Variants in PKIB observed in about 807,000 individuals in gnomAD.
PKIB encodes cAMP-dependent protein kinase inhibitor beta.
PKIB carries 2 observed loss-of-function variants against 4.5 expected under a neutral mutation model. The ratio of observed to expected loss-of-function variants is 0.44; its 90% CI spans 0.18 to 1.39. The LOEUF (loss-of-function observed/expected upper bound fraction) is 1.39. Ranked by LOEUF, PKIB falls within the 40% of genes most tolerant of loss-of-function variation. PKIB has a pLI of 0.27. For synonymous variants in PKIB, 38 were observed against 36.0 expected (o/e 1.06, Z -0.20); for missense variants, 94 against 92.6 (o/e 1.02, Z -0.06).
intron 2 of PKIB, among the ~76,000 whole-genome samples, chr6:122,521,276 C>G (rs921508335): frequency 6.6e-6 from 1 of 152,162 alleles, no homozygotes; most frequent in African/African-American, 2.4e-5. Flanking sequence ...GGAGCTTCTT[C>G]TTGGTCCAAC....
intron 2 of PKIB, among the ~76,000 whole-genome samples, chr6:122,488,081 G>C (rs1295508852): frequency 6.6e-6 from 1 of 152,062 alleles, no homozygotes; most frequent in Admixed American, 6.6e-5. Context: ...ATTCATTTCA[G>C]CATCCATCCA....
chr6:122,609,973 C>G (rs1253919619), upstream of PKIB, among the ~76,000 whole-genome samples: 2 of 152,086 alleles, frequency 1.3e-5, no homozygotes, highest in Non-Finnish European at 2.9e-5. Flanking sequence ...CAAAGGGCAA[C>G]CTTAATGACA....
chr6:122,550,270 G>A (rs1053412361), intron 2 of PKIB, among the ~76,000 whole-genome samples: 3 of 148,464 alleles, frequency 2.0e-5, no homozygotes, highest in African/African-American at 7.9e-5. Flanking sequence ...TAATATGAAA[G>A]TCTAGTCTAA....
chr6:122,509,045 G>A (rs759233328), intron 2 of PKIB, among the ~76,000 whole-genome samples: 36 of 152,098 alleles, frequency 2.4e-4, no homozygotes, highest in Middle Eastern at 3.4e-3. Flanking sequence ...CACCGCGCCC[G>A]GCCTAAAATT....
intron 1 of PKIB, among the ~76,000 whole-genome samples, chr6:122,620,354 T>C (rs527290028): frequency 6.6e-6 from 1 of 152,316 alleles, no homozygotes; most frequent in South Asian, 2.1e-4. Context: ...TTCCCAAATG[T>C]ATTCAGAAGA....
At chr6:122,615,841 A>G (rs1187081967) in intron 1 of PKIB, among the ~76,000 whole-genome samples, 1 of 152,192 alleles carries the variant, frequency 6.6e-6, no homozygotes. Flanking sequence ...AGAGGCATAA[A>G]ACAGATTTCC....
At position 122,554,424 on chromosome 6, in the gene PKIB, G is replaced by A. The variant is rs990291415; in HGVS notation, c.-247-31497G>A. 2.3e-4 allele frequency among the ~76,000 whole-genome samples: 35 copies of A among 152,174 alleles called. 1 individual carries two copies. The highest frequency in any genetic ancestry group is 4.6e-4 in the Non-Finnish European group (31 of 68,030). On this transcript the variant is annotated intron_variant, in intron 2 of 6. Coordinates refer to the PKIB transcript ENST00000392491. Reference sequence around the variant, plus strand: ...TGTTAAATAAATCCTAGGGCACAGAGATTGTCCATGCAATGCCTCTCTAAA... The same window carrying A: ...TGTTAAATAAATCCTAGGGCACAGAAATTGTCCATGCAATGCCTCTCTAAA...
At chr6:122,683,143 T>TGGC (rs1777966029) in intron 3 of PKIB, among the ~76,000 whole-genome samples, 1 of 152,214 alleles carries the variant, frequency 6.6e-6, no homozygotes, top group Admixed American at 6.5e-5. Flanking sequence ...TTGGCAGTTA[T>TGGC]GGAATTCAGA....
chr6:122,665,466 T>G, intron 2 of PKIB, among the ~76,000 whole-genome samples: 1 of 152,228 alleles, frequency 6.6e-6, no homozygotes, highest in Non-Finnish European at 1.5e-5. Context: ...AAAGAAATAT[T>G]CTTCTGAATA....
At chr6:122,624,158 G>A (rs528501392) in intron 1 of PKIB, among the ~76,000 whole-genome samples, 2 of 152,236 alleles carry the variant, frequency 1.3e-5, no homozygotes, top group Admixed American at 6.5e-5. Context: ...ACAATATATT[G>A]TAAGTACCAA....
chr6:122,587,452 G>T lies in PKIB; in HGVS notation c.-161+1445G>T, dbSNP rs181007102. Among the ~76,000 whole-genome samples the T allele has an allele frequency of 5.9e-5, 9 of 152,270 alleles. No individual in the cohort carries two copies. The East Asian group carries it at 1.5e-3, about 26-fold the overall frequency. On this transcript the variant is annotated intron_variant, in intron 3 of 6. Transcript: ENST00000392491. ...TGTTGGACATTAGGGTTGGTTTCAA[G>T]TCTTTGCTATTGTGAATAGTGCTGC...
At chr6:122,673,517 T>C (rs774485400) in intron 2 of PKIB, among the ~76,000 whole-genome samples, 13 of 152,218 alleles carry the variant, frequency 8.5e-5, no homozygotes, top group Admixed American at 4.6e-4. Context: ...TCTGGACATA[T>C]AGGACTCATT....
At chr6:122,620,450 C>G (rs1270774471) in intron 1 of PKIB, among the ~76,000 whole-genome samples, 1 of 152,196 alleles carries the variant, frequency 6.6e-6, no homozygotes, top group Non-Finnish European at 1.5e-5. Flanking sequence ...GGTTTCTTAA[C>G]ACAGATAGGC....
At chr6:122,691,235 G>A (rs1778342572) in intron 3 of PKIB, among the ~76,000 whole-genome samples, 1 of 151,718 alleles carries the variant, frequency 6.6e-6, no homozygotes, top group Admixed American at 6.6e-5. Flanking sequence ...TTTTGTTTAG[G>A]TTTGAGAAAT....
intron 3 of PKIB, among the ~76,000 whole-genome samples, chr6:122,605,087 G>A (rs1412293525): frequency 1.3e-5 from 2 of 152,120 alleles, no homozygotes; most frequent in Non-Finnish European, 2.9e-5. Flanking sequence ...TAGTAGCACA[G>A]TCTGTGCCCC....
At position 122,602,729 on chromosome 6, in the gene PKIB, A is replaced by G. The variant is rs148083026; in HGVS notation, c.-161+16722A>G. 1.1e-3 allele frequency among the ~76,000 whole-genome samples: 163 copies of G among 152,240 alleles called. No individual in the cohort carries two copies. In the East Asian group the frequency reaches 0.016, roughly 15 times the overall value. On this transcript the variant is annotated intron_variant, in intron 3 of 6. Transcript: ENST00000392491. ...CAGGAGTTCGAGACCAGCCTGGCCA[A>G]TGTGGCAAAATGCCGTCTCCCCTAA...
chr6:122,621,736 G>T (rs1775237331), intron 1 of PKIB, among the ~76,000 whole-genome samples: 1 of 152,228 alleles, frequency 6.6e-6, no homozygotes, highest in African/African-American at 2.4e-5. Flanking sequence ...ATTTAGAAGT[G>T]CTTTGCCTAT....
intron 2 of PKIB, among the ~76,000 whole-genome samples, chr6:122,511,853 G>A (rs1322029551): frequency 6.6e-6 from 1 of 152,224 alleles, no homozygotes; most frequent in African/African-American, 2.4e-5. Flanking sequence ...AGAGTAGTTA[G>A]TGGGAGCGGG....
intron 2 of PKIB, among the ~76,000 whole-genome samples, chr6:122,672,188 T>C (rs1336971440): frequency 6.6e-6 from 1 of 152,092 alleles, no homozygotes; most frequent in Non-Finnish European, 1.5e-5. Flanking sequence ...TGTAGACATG[T>C]AGTTTTCCCT....
Sources: gnomAD v4.1 joint callset for allele counts (sites outside exome capture counted in the v4.1 genomes callset) on GRCh38, gnomAD v4.1.1 for gene constraint, MANE v1.5 for transcripts, NCBI Gene and HGNC (gene_info 2026-07-23, HGNC 2026-07-21) for gene names.